Variants in CXCL12 observed in about 807,000 individuals in gnomAD.
CXCL12 encodes the protein stromal cell-derived factor 1.
A neutral mutation model predicts 10.7 loss-of-function variants in CXCL12; 4 were observed. The ratio of observed to expected loss-of-function variants is 0.37; its 90% confidence interval spans 0.18 to 0.86. The LOEUF is 0.86. Among genes scored for constraint, CXCL12 ranks in the 40% least tolerant of loss-of-function variants. The pLI, the probability that CXCL12 is intolerant of heterozygous loss-of-function variation, is 0.43. For missense variants in CXCL12, 122 were observed against 110.4 expected (o/e 1.10, Z -0.47); for synonymous variants, 54 against 45.4 (o/e 1.19, Z -0.77).
downstream of CXCL12, chr10:44,372,502 A>G: frequency 4.0e-6 from 2 of 497,786 alleles, no homozygotes; most frequent in Middle Eastern, 8.4e-4. Context: ...GAACAAAAAC[A>G]TAGGATTGGA....
rs1210156815 is a variant in CXCL12, at chr10:44,377,709, T to A, written c.*924A>T. The A allele has an allele frequency of 6.3e-7, 1 of 1,597,756 alleles. No individual in the cohort carries two copies. Among genetic ancestry groups the A allele is most frequent in the Admixed American group, 1.7e-5 (1 of 59,956 alleles). Reference sequence around the variant, plus strand: ...TCTCAGATTTAAAATTGCATTTGATTCTGTAAAGACTTGTCTTTTGCGGGT... The same window carrying A: ...TCTCAGATTTAAAATTGCATTTGATACTGTAAAGACTTGTCTTTTGCGGGT... On this transcript the variant is annotated 3_prime_UTR_variant, in exon 3 of 3. Coordinates refer to ENST00000343575, the MANE Select transcript of CXCL12 (RefSeq NM_199168.4).
In CXCL12 at chr10:44,378,482, G is replaced by A. The variant is rs1422725610; in HGVS notation, c.*151C>T. ...AGGGTCTAAATGCTGGCAAACCTCA[G>A]GCCCGATCCCAGATCAATGTGCCCA... is the stretch of plus-strand genomic sequence containing the variant. On this transcript the variant is annotated 3_prime_UTR_variant, in exon 3 of 3. Transcript: ENST00000343575. The A allele has an allele frequency of 6.5e-7, 1 of 1,536,916 alleles. No homozygotes were observed. Among genetic ancestry groups the A allele is most frequent in the Non-Finnish European group, 8.8e-7 (1 of 1,141,906 alleles).
intron 1 of CXCL12, among the ~76,000 whole-genome samples, chr10:44,382,863 T>C (rs957148817): frequency 1.3e-5 from 2 of 152,232 alleles, no homozygotes; most frequent in Non-Finnish European, 2.9e-5. Context: ...ATGTGCTCCT[T>C]CCTCCAGCTT....
chr10:44,381,791 C>A (rs1839639815), intron 1 of CXCL12, among the ~76,000 whole-genome samples: 1 of 152,116 alleles, frequency 6.6e-6, no homozygotes, highest in African/African-American at 2.4e-5. Flanking sequence ...CCACTTAATA[C>A]CCCAAATTAT....
chr10:44,378,122 G>A lies in CXCL12; in HGVS notation c.*511C>T, dbSNP rs560696760. The A allele has an allele frequency of 5.5e-6, 8 of 1,443,538 alleles. No individual in the cohort carries two copies. The East Asian group carries it at 2.0e-4, about 36-fold the overall frequency. 89.4% of individuals were successfully genotyped at this position (1,443,538 alleles called of 1,614,324 possible). A position where few individuals can be genotyped will look rare whatever the true frequency, so the allele number is the denominator to read the frequency against. ...GAGTGCCACAGAGGCCTTCCTCTTG[G>A]GAGGGGCGCTGCTGCGGGAGCCTCA... On this transcript the variant is annotated 3_prime_UTR_variant, in exon 3 of 3. Coordinates refer to ENST00000343575, the MANE Select transcript of CXCL12 (RefSeq NM_199168.4).
At chr10:44,378,763 AG>A in intron 2 of CXCL12, 40 bp from the exon 3 acceptor site, 1 of 1,602,086 alleles carries the variant, frequency 6.2e-7, no homozygotes, top group Non-Finnish European at 8.6e-7. Context: ...GCTGCACAGG[AG>A]GAAGGCGCGG....
intron 2 of CXCL12, 61 bp from the exon 3 acceptor site, chr10:44,378,784 G>T: frequency 6.5e-7 from 1 of 1,533,138 alleles, no homozygotes; most frequent in Non-Finnish European, 9.0e-7. Context: ...GCTGCAACGT[G>T]TGCATCCGCT....
rs1363867705 is a variant in CXCL12, at chr10:44,377,426, A to T, written c.*1207T>A. The T allele has an allele frequency of 1.8e-6, 2 of 1,122,714 alleles. No homozygotes were observed. The highest frequency in any genetic ancestry group is 6.8e-5 in the East Asian group (1 of 14,654). The allele number at this position is 1,122,714 out of a possible 1,614,324, so 69.5% of individuals were successfully genotyped here. A position where few individuals can be genotyped will look rare whatever the true frequency, so the allele number is the denominator to read the frequency against. ...AAAAATGTGCACAAAAATATATATA[A>T]AAAAATGCCTTGCAAAAAGTTACAA... On this transcript the variant is annotated 3_prime_UTR_variant, in exon 3 of 3. Transcript: ENST00000343575.
In CXCL12 at chr10:44,378,309, A is replaced by C. The variant is rs182326235; in HGVS notation, c.*324T>G. On this transcript the variant is annotated 3_prime_UTR_variant, in exon 3 of 3. Transcript: ENST00000343575. The stretch of plus-strand genomic sequence containing the variant: ...GAGAATGAGAATGATGATGATTGTG[A>C]TGATCATGAAGGAACTAACTGCTTG... 6.8e-7 allele frequency: 1 copy of C among 1,477,104 alleles called. No homozygotes were observed. The highest frequency in any genetic ancestry group is 1.4e-5 in the African/African-American group (1 of 72,460). The allele number at this position is 1,477,104 out of a possible 1,614,324, so 91.5% of individuals were successfully genotyped here.
chr10:44,378,806 C>T, intron 2 of CXCL12, 83 bp from the exon 3 acceptor site: 1 of 1,360,868 alleles, frequency 7.3e-7, no homozygotes, highest in Non-Finnish European at 1.0e-6. Flanking sequence ...CCCCAACACC[C>T]ATCTAGGGCC....
chr10:44,380,939 G>A (rs1357219881), intron 1 of CXCL12, 59 bp from the exon 2 acceptor site: 3 of 1,373,072 alleles, frequency 2.2e-6, no homozygotes, highest in Non-Finnish European at 3.1e-6. Flanking sequence ...GGTAATGTGT[G>A]TCTGGGCTGC....
downstream of CXCL12, among the ~76,000 whole-genome samples, chr10:44,373,505 C>T (rs536030317): frequency 9.8e-5 from 15 of 152,354 alleles, no homozygotes; most frequent in African/African-American, 2.2e-4. Context: ...CGACAACAGA[C>T]GGGAGGGGAG....
chr10:44,377,406 T>A lies in CXCL12; in HGVS notation c.*1227A>T, dbSNP rs1394385836. The A allele has an allele frequency of 1.4e-5, 15 of 1,072,824 alleles. No individual in the cohort carries two copies. Among genetic ancestry groups the A allele is most frequent in the South Asian group, 3.1e-5 (1 of 32,558 alleles). The allele number at this position is 1,072,824 out of a possible 1,614,324, so 66.5% of individuals were successfully genotyped here. Reference sequence around the variant, plus strand: ...TTTTCTAAAGAAACGTAAAAAAAAATGTGCACAAAAATATATATAAAAAAA... The same window carrying A: ...TTTTCTAAAGAAACGTAAAAAAAAAAGTGCACAAAAATATATATAAAAAAA... On this transcript the variant is annotated 3_prime_UTR_variant, in exon 3 of 3. Coordinates refer to ENST00000343575, the MANE Select transcript of CXCL12 (RefSeq NM_199168.4).
chr10:44,384,443 T>C (rs1839733579), intron 1 of CXCL12, among the ~76,000 whole-genome samples: 1 of 152,166 alleles, frequency 6.6e-6, no homozygotes, highest in Admixed American at 6.5e-5. Flanking sequence ...GCTGCGCGGC[T>C]GCATCGGACC....
downstream of CXCL12, chr10:44,372,632 T>C: frequency 7.4e-7 from 1 of 1,344,894 alleles, no homozygotes; most frequent in African/African-American, 1.5e-5. Context: ...AGAGTCCTTT[T>C]GCAGGGCCAT....
At chr10:44,383,611 G>GCGT (rs71020334) in intron 1 of CXCL12, among the ~76,000 whole-genome samples, 2 of 76,800 alleles carry the variant, frequency 2.6e-5, no homozygotes, top group East Asian at 4.9e-4. Context: ...ATGACTTGCG[G>GCGT]GGGGGGGGGG....
At chr10:44,379,925 A>T (rs1839575288) in intron 2 of CXCL12, among the ~76,000 whole-genome samples, 1 of 152,238 alleles carries the variant, frequency 6.6e-6, no homozygotes, top group Non-Finnish European at 1.5e-5. Flanking sequence ...AGTTTTCTAA[A>T]ATCAAAAGTA....
downstream of CXCL12, among the ~76,000 whole-genome samples, chr10:44,375,354 G>T (rs995723215): frequency 1.3e-5 from 2 of 152,246 alleles, no homozygotes; most frequent in Non-Finnish European, 2.9e-5. Context: ...TTCCCAGGTG[G>T]CAGAGTGCTG....
chr10:44,373,669 G>A (rs1041225501), downstream of CXCL12, among the ~76,000 whole-genome samples: 13 of 152,194 alleles, frequency 8.5e-5, no homozygotes, highest in African/African-American at 2.9e-4. Context: ...CTGCTTACCC[G>A]GCACCGGCGT....
Sources: allele counts gnomAD v4.1 joint callset (sites outside exome capture counted in the v4.1 genomes callset), GRCh38; gene constraint gnomAD v4.1.1; transcripts MANE v1.5; gene names NCBI Gene and HGNC (gene_info 2026-07-23, HGNC 2026-07-21).